Variants in CCDC57 observed in about 807,000 individuals in gnomAD.
CCDC57 encodes the protein coiled-coil domain containing 57, also known as coiled-coil domain-containing protein 57.
In CCDC57, 118 loss-of-function variants were observed where a neutral mutation model predicts 118.9. The observed-to-expected ratio is 0.99, with a 90% CI of 0.86 to 1.16. The LOEUF is 1.16. CCDC57 is among the 50% of genes most tolerant of loss of function. The probability of loss-of-function intolerance (pLI) is 0.00; values close to 1 mark genes in which losing one functional copy is unlikely to be tolerated. For missense variants in CCDC57, 1,300 were observed against 1,320.7 expected (o/e 0.98, Z 0.24); for synonymous variants, 527 against 532.9 (o/e 0.99, Z 0.15).
intron 19 of CCDC57, 162 bp downstream of exon 18, chr17:82,127,530 C>A: frequency 1.0e-6 from 1 of 985,420 alleles, no homozygotes; most frequent in Non-Finnish European, 1.2e-6. Flanking sequence ...CACTCAGGTG[C>A]CAAATGAGAG....
At chr17:82,183,732 A>C (rs767150093) in intron 9 of CCDC57, 42 bp downstream of exon 8, 16 of 1,542,058 alleles carry the variant, frequency 1.0e-5, no homozygotes, top group Non-Finnish European at 1.1e-5. Context: ...GCACCTGCCC[A>C]TAGGAGACCC....
intron 13 of CCDC57, among the ~76,000 whole-genome samples, chr17:82,165,254 G>A (rs776948412): frequency 4.6e-5 from 7 of 152,144 alleles, no homozygotes; most frequent in Non-Finnish European, 7.4e-5. Context: ...AGAACTGCAC[G>A]GGCGGTTTAA....
At chr17:82,194,453 G>A (rs1308390569) in intron 5 of CCDC57, among the ~76,000 whole-genome samples, 1 of 152,014 alleles carries the variant, frequency 6.6e-6, no homozygotes, top group Non-Finnish European at 1.5e-5. Context: ...TGGGATTACA[G>A]GCACCCACCA....
intron 3 of CCDC57, among the ~76,000 whole-genome samples, chr17:82,200,976 G>A (rs8079572): frequency 6.6e-6 from 1 of 151,978 alleles, no homozygotes; most frequent in African/African-American, 2.4e-5. Context: ...CGGTACTTCT[G>A]AAGTGGGGGA....
chr17:82,210,802 T>G (rs2050125163), intron 1 of CCDC57, among the ~76,000 whole-genome samples: 1 of 151,406 alleles, frequency 6.6e-6, no homozygotes, highest in Non-Finnish European at 1.5e-5. Context: ...GAGACCAGCC[T>G]GGCCAACATG....
chr17:82,204,878 G>C (rs887504130), intron 2 of CCDC57, among the ~76,000 whole-genome samples: 2 of 152,208 alleles, frequency 1.3e-5, no homozygotes, highest in African/African-American at 4.8e-5. Flanking sequence ...TCAGAGCCTG[G>C]GATGTGTGGC....
rs149227210 is a variant in CCDC57 at position 82,209,435 on chromosome 17, C to G, written c.-210-1387G>C. ...CAAAATGAAGTAGAAACAGGTGAACCTAACTTGATTACAAGTGCGTAACTT... is the reference window on the plus strand; with the variant it reads ...CAAAATGAAGTAGAAACAGGTGAACGTAACTTGATTACAAGTGCGTAACTT... On this transcript the variant is annotated intron_variant, in intron 1 of 19. Transcript: ENST00000665763. Among the ~76,000 whole-genome samples the G allele has an allele frequency of 5.5e-3, 839 of 152,234 alleles. 5 individuals are homozygous for G. The highest frequency in any genetic ancestry group is 9.9e-3 in the Non-Finnish European group (672 of 68,016).
chr17:82,159,373 G>A lies in CCDC57; in HGVS notation c.2041-1425C>T, dbSNP rs553942644. Among the ~76,000 whole-genome samples the A allele has an allele frequency of 2.6e-5, 4 of 152,346 alleles. No individual in the cohort carries two copies. In the East Asian group the frequency reaches 7.7e-4, roughly 29 times the overall value. ...AAATGGGGGAAACAGCAACTGCAAA[G>A]CATCGGGGATCTGGAGCCCCTTCAC... On this transcript the variant is annotated intron_variant, in intron 14 of 19. Coordinates refer to ENST00000665763, the Ensembl canonical transcript of CCDC57.
rs2041906052 is a variant in CCDC57 at position 82,150,928 on chromosome 17, C to CACACACCCAGAACCTGGT, written c.2455+631_2455+632insACCAGGTTCTGGGTGTGT. 5.9e-5 allele frequency among the ~76,000 whole-genome samples: 2 copies of CACACACCCAGAACCTGGT among 33,744 alleles called. 1 individual carries two copies. Among genetic ancestry groups the CACACACCCAGAACCTGGT allele is most frequent in the Non-Finnish European group, 1.2e-4 (2 of 16,636 alleles). The allele number at this position is 33,744 out of a possible 152,430, so 22.1% of individuals were successfully genotyped here. A position where few individuals can be genotyped will look rare whatever the true frequency, so the allele number is the denominator to read the frequency against. Reference sequence around the variant, plus strand: ...AACCTGACCCGCACCCAGAACCAGGCGCACACCCAGAACCAGGCGCACACC... The same window carrying CACACACCCAGAACCTGGT: ...AACCTGACCCGCACCCAGAACCAGGCACACACCCAGAACCTGGTGCACACCCAGAACCAGGCGCACACC... On this transcript the variant is annotated intron_variant, in intron 16 of 19. Transcript: ENST00000665763.
chr17:82,145,026 C>CT (rs63184860), intron 16 of CCDC57, among the ~76,000 whole-genome samples: 1,810 of 120,236 alleles, frequency 0.015, 36 homozygotes, highest in Non-Finnish European at 0.021. Context: ...TTTTTTTTTT[C>CT]TTTTTTTTTT....
chr17:82,195,435 G>A (rs2048183033), intron 4 of CCDC57, 71 bp from the exon 4 acceptor site: 7 of 1,204,108 alleles, frequency 5.8e-6, no homozygotes, highest in Non-Finnish European at 1.2e-6. Flanking sequence ...CGTCCTGGGA[G>A]GTGGGATCCA....
At chr17:82,151,349 C>T (rs1278161469) in intron 16 of CCDC57, among the ~76,000 whole-genome samples, 1 of 150,610 alleles carries the variant, frequency 6.6e-6, no homozygotes. Flanking sequence ...AGGTGCACAC[C>T]CAGAACCTGG....
intron 9 of CCDC57, among the ~76,000 whole-genome samples, chr17:82,179,398 C>T (rs1388366293): frequency 6.6e-6 from 1 of 152,132 alleles, no homozygotes; most frequent in African/African-American, 2.4e-5. Flanking sequence ...GCCCAGATGC[C>T]GGAGAAAACC....
chr17:82,157,105 C>G (rs1188359921), intron 15 of CCDC57: 1 of 153,664 alleles, frequency 6.5e-6, no homozygotes, highest in Non-Finnish European at 1.4e-5. Flanking sequence ...GCCTTTCCCT[C>G]TGGCCTTAGG....
intron 10 of CCDC57, 24 bp from the exon 10 acceptor site, chr17:82,178,629 T>A: frequency 6.2e-7 from 1 of 1,607,624 alleles, no homozygotes; most frequent in Non-Finnish European, 8.5e-7. Flanking sequence ...TGGGACTCAG[T>A]CCCTGTGTGG....
chr17:82,133,134 G>A (rs1184076961), intron 17 of CCDC57, among the ~76,000 whole-genome samples: 1 of 152,098 alleles, frequency 6.6e-6, no homozygotes, highest in Non-Finnish European at 1.5e-5. Flanking sequence ...ACTTTGAGAG[G>A]CCATGGTGGG....
chr17:82,126,368 T>A (rs542067473), intron 19 of CCDC57: 1 of 967,844 alleles, frequency 1.0e-6, no homozygotes, highest in Non-Finnish European at 1.2e-6. Context: ...AAAAACACCA[T>A]AATAAACATT....
intron 11 of CCDC57, among the ~76,000 whole-genome samples, chr17:82,175,146 C>T (rs1017348128): frequency 3.3e-5 from 5 of 152,162 alleles, no homozygotes; most frequent in African/African-American, 7.2e-5. Flanking sequence ...ATTGTAATGG[C>T]GTGGGAAAAT....
At chr17:82,197,993 G>A (rs1339653924) in intron 4 of CCDC57, among the ~76,000 whole-genome samples, 3 of 152,258 alleles carry the variant, frequency 2.0e-5, no homozygotes, top group Non-Finnish European at 2.9e-5. Context: ...CATGGCCTCC[G>A]TAACTGCACG....
Sources: allele counts gnomAD v4.1 joint callset (sites outside exome capture counted in the v4.1 genomes callset), GRCh38; gene constraint gnomAD v4.1.1; transcripts MANE v1.5; gene names NCBI Gene and HGNC (gene_info 2026-07-23, HGNC 2026-07-21).